The following PPID variants were observed in gnomAD, a reference collection of about 807,000 sequenced individuals.
The protein encoded by PPID is peptidylprolyl isomerase D, also known as peptidyl-prolyl cis-trans isomerase D.
PPID carries 47 observed loss-of-function variants against 48.1 expected under a neutral mutation model. The ratio of observed to expected loss-of-function variants is 0.98; its 90% CI spans 0.77 to 1.25. The LOEUF (loss-of-function observed/expected upper bound fraction) is 1.25. Ranked by LOEUF, PPID falls within the 50% of genes most tolerant of loss-of-function variation. The probability of loss-of-function intolerance (pLI) is 0.00; values close to 1 mark genes in which losing one functional copy is unlikely to be tolerated. For missense variants in PPID, 429 were observed against 443.5 expected (o/e 0.97, Z 0.29); for synonymous variants, 163 against 148.8 (o/e 1.10, Z -0.69).
Position 158,719,281 on chromosome 4 carries a change from TAATA to T in PPID, c.228_231del (p.Ile77ArgfsTer4). On this transcript the variant is annotated frameshift_variant and splice_region_variant, in exon 3 of 10. Transcript: ENST00000307720. LOFTEE classifies it high-confidence loss of function. ...TCTCCACCCTGAATCATAAATTTCT[TAATA>T]ACTACAAAAAAGGAAAATGGCTATT... is the stretch of plus-strand genomic sequence containing the variant. 2 of 1,596,640 alleles carry T rather than the reference TAATA, an allele frequency of 1.3e-6. No individual in the cohort carries two copies. The highest frequency in any genetic ancestry group is 1.7e-6 in the Non-Finnish European group (2 of 1,165,026).
Position 158,715,764 on chromosome 4 carries a change from A to G in PPID, c.523-80T>C, listed in dbSNP as rs1028599342. ...AAGCTATACAGCTGAAGTCATGTGCAGCACTGTCCAATTCACAGATTTATG... is the reference window on the plus strand; with the variant it reads ...AAGCTATACAGCTGAAGTCATGTGCGGCACTGTCCAATTCACAGATTTATG... On this transcript the variant is annotated intron_variant, in intron 4 of 9. Coordinates refer to ENST00000307720, the MANE Select transcript of PPID (RefSeq NM_005038.3). 12 of 1,467,060 alleles carry G rather than the reference A, an allele frequency of 8.2e-6. No homozygotes were observed. In the African/African-American group the frequency reaches 1.3e-4, roughly 15 times the overall value. The allele number at this position is 1,467,060 out of a possible 1,614,324, so 90.9% of individuals were successfully genotyped here. A position where few individuals can be genotyped will look rare whatever the true frequency, so the allele number is the denominator to read the frequency against.
chr4:158,709,689 T>A lies in PPID; in HGVS notation c.*47A>T, dbSNP rs771070107. 1 of 1,372,548 alleles carries A rather than the reference T, an allele frequency of 7.3e-7. No homozygotes were observed. The highest frequency in any genetic ancestry group is 1.0e-6 in the Non-Finnish European group (1 of 975,048). The allele number at this position is 1,372,548 out of a possible 1,614,324, so 85.0% of individuals were successfully genotyped here. On this transcript the variant is annotated 3_prime_UTR_variant, in exon 10 of 10. Transcript: ENST00000307720. ...ATAGACAAAAACCTTTACATTTTCT[T>A]ATTGCATTTATACAATCAACACACA...
chr4:158,710,732 A>T (rs889534406), intron 8 of PPID, 30 bp downstream of exon 8: 4 of 1,610,128 alleles, frequency 2.5e-6, no homozygotes, highest in Non-Finnish European at 3.4e-6. Flanking sequence ...TGTCTATTTT[A>T]AAAAATTAAA....
At chr4:158,714,485 G>A (rs1774837990) in intron 6 of PPID, among the ~76,000 whole-genome samples, 1 of 152,124 alleles carries the variant, frequency 6.6e-6, no homozygotes, top group Non-Finnish European at 1.5e-5. Context: ...ACCAGGGGAG[G>A]TAGGAAACGT....
intron 2 of PPID, among the ~76,000 whole-genome samples, chr4:158,720,776 G>A (rs549788350): frequency 2.3e-4 from 35 of 152,144 alleles, no homozygotes; most frequent in African/African-American, 7.7e-4. Flanking sequence ...GTGCAGTGGC[G>A]TGATCTCGGC....
At chr4:158,711,075 A>G (rs920861034) in intron 7 of PPID, among the ~76,000 whole-genome samples, 5 of 152,172 alleles carry the variant, frequency 3.3e-5, no homozygotes, top group Non-Finnish European at 5.9e-5. Flanking sequence ...TATGCTCCCC[A>G]CTGTGGTTTC....
Position 158,712,150 on chromosome 4 carries a change from T to C in PPID, c.894+969A>G, listed in dbSNP as rs545904627. Among the ~76,000 whole-genome samples the C allele has an allele frequency of 1.4e-4, 22 of 152,316 alleles. No homozygotes were observed. In the South Asian group the frequency reaches 4.3e-3, roughly 30 times the overall value. On this transcript the variant is annotated intron_variant, in intron 7 of 9. Transcript: ENST00000307720. ...ATATGTAAAATTCTTAAAGTTTCAT[T>C]TGGAAAACTTTTCAAACTATACAAC...
At chr4:158,712,264 A>C (rs1364778629) in intron 7 of PPID, among the ~76,000 whole-genome samples, 2 of 152,206 alleles carry the variant, frequency 1.3e-5, no homozygotes, top group African/African-American at 4.8e-5. Context: ...ATGACCTCCT[A>C]AAGATAAATG....
In PPID at chr4:158,709,764, T is replaced by C. The variant is rs757465987; in HGVS notation, c.1085A>G (p.Lys362Arg). Reference protein sequence around the residue: ...QKIKAQKDKEKAVYAKMFA With the variant: ...QKIKAQKDKERAVYAKMFA ...AGCAAACATTTTTGCATATACTGCC[T>C]TCTCTTTATCTTTCTGTGCCTTTAT... Residue 362 changes from lysine to arginine, a missense_variant, in exon 10 of 10, where the codon AAG becomes AGG. Lys to Arg is a conservative substitution (Grantham distance 26). Coordinates refer to ENST00000307720, the MANE Select transcript of PPID (RefSeq NM_005038.3). The C allele has an allele frequency of 6.2e-7, 1 of 1,611,308 alleles. No homozygotes were observed. Among genetic ancestry groups the C allele is most frequent in the Non-Finnish European group, 8.5e-7 (1 of 1,178,350 alleles).
At position 158,709,638 on chromosome 4, in the gene PPID, A is replaced by G. The variant is rs1461791089; in HGVS notation, c.*98T>C. 3 of 892,358 alleles carry G rather than the reference A, an allele frequency of 3.4e-6. No individual in the cohort carries two copies. Among genetic ancestry groups the G allele is most frequent in the African/African-American group, 3.4e-5 (2 of 59,620 alleles). 55.3% of individuals were successfully genotyped at this position (892,358 alleles called of 1,614,324 possible). A position where few individuals can be genotyped will look rare whatever the true frequency, so the allele number is the denominator to read the frequency against. The stretch of plus-strand genomic sequence containing the variant: ...TAAACAGTAAGGAACTAAGGTGTCA[A>G]AAGAAACACATTAGGGATCATATTC... On this transcript the variant is annotated 3_prime_UTR_variant, in exon 10 of 10. Transcript: ENST00000307720.
chr4:158,720,564 A>G (rs1774940479), intron 2 of PPID, among the ~76,000 whole-genome samples: 1 of 152,194 alleles, frequency 6.6e-6, no homozygotes, highest in African/African-American at 2.4e-5. Context: ...TCACTAAACA[A>G]AAGTATGATT....
At chr4:158,713,378 A>G in intron 6 of PPID, 118 bp from the exon 7 acceptor site, 2 of 1,049,552 alleles carry the variant, frequency 1.9e-6, no homozygotes, top group Non-Finnish European at 2.6e-6. Context: ...TGCTATTAAT[A>G]ATCTTAATGA....
At position 158,720,917 on chromosome 4, in the gene PPID, C is replaced by T. The variant is rs377324016; in HGVS notation, c.226+426G>A. Among the ~76,000 whole-genome samples, 143 of 152,106 alleles carry T rather than the reference C, an allele frequency of 9.4e-4. No homozygotes were observed. The East Asian group carries it at 0.018, about 19-fold the overall frequency. On this transcript the variant is annotated intron_variant, in intron 2 of 9. Coordinates refer to ENST00000307720, the MANE Select transcript of PPID (RefSeq NM_005038.3). ...TTTTAGTAGAGACGGGGTTTCACCGCGTTAGCCAAGATGGTCTCGATCTCC... is the reference window on the plus strand; with the variant it reads ...TTTTAGTAGAGACGGGGTTTCACCGTGTTAGCCAAGATGGTCTCGATCTCC...
At chr4:158,721,905 G>C (rs565798229) in intron 1 of PPID, among the ~76,000 whole-genome samples, 150 of 151,952 alleles carry the variant, frequency 9.9e-4, no homozygotes, top group African/African-American at 3.4e-3. Flanking sequence ...ATTTTTTATG[G>C]GTGAATAGTA....
At chr4:158,711,885 C>A (rs1344515932) in intron 7 of PPID, among the ~76,000 whole-genome samples, 3 of 151,906 alleles carry the variant, frequency 2.0e-5, no homozygotes, top group Non-Finnish European at 4.4e-5. Flanking sequence ...GAGGATCACC[C>A]GAGCCCAGGA....
At position 158,722,015 on chromosome 4, in the gene PPID, G is replaced by C. The variant is rs17843886; in HGVS notation, c.86-532C>G. 5.5e-3 allele frequency among the ~76,000 whole-genome samples: 842 copies of C among 152,264 alleles called. 7 individuals are homozygous for C. The highest frequency in any genetic ancestry group is 0.02 in the African/African-American group (814 of 41,550). ...TGGCTATCATGAATAATGCTGCAAT[G>C]AACATGGGAGTGCAGATACCTCTTT... On this transcript the variant is annotated intron_variant, in intron 1 of 9. Coordinates refer to ENST00000307720, the MANE Select transcript of PPID (RefSeq NM_005038.3).
intron 1 of PPID, 88 bp from the exon 2 acceptor site, chr4:158,721,571 C>G: frequency 6.9e-7 from 1 of 1,444,522 alleles, no homozygotes; most frequent in Non-Finnish European, 9.4e-7. Flanking sequence ...GGTAGCAGAT[C>G]AATCATGAAT....
At chr4:158,713,300 T>A in intron 6 of PPID, 40 bp from the exon 7 acceptor site, 3 of 1,524,886 alleles carry the variant, frequency 2.0e-6, no homozygotes, top group Non-Finnish European at 2.6e-6. Flanking sequence ...AAAGACCACA[T>A]AAACAGGAAT....
rs763219098 is a variant in PPID at position 158,710,665 on chromosome 4, A to G, written c.987T>C (p.Asp329=). 3.1e-6 allele frequency: 5 copies of G among 1,613,916 alleles called. No homozygotes were observed. Among genetic ancestry groups the G allele is most frequent in the Non-Finnish European group, 4.2e-6 (5 of 1,179,832 alleles). ...GTGCTATCCCCTGAGCTTTCTTAAG[A>G]TCAGCCTTTAATTGGAAAAAAACAT... ...GLKEYDQALA[D]LKKAQGIAPE... Residue 329 remains aspartate (D), a synonymous_variant, in exon 9 of 10, where the codon GAT becomes GAC. Coordinates refer to ENST00000307720, the MANE Select transcript of PPID (RefSeq NM_005038.3).
Sources: gnomAD v4.1 joint callset for allele counts (sites outside exome capture counted in the v4.1 genomes callset) on GRCh38, gnomAD v4.1.1 for gene constraint, MANE v1.5 for transcripts, NCBI Gene and HGNC (gene_info 2026-07-23, HGNC 2026-07-21) for gene names.